Variants in CNTN5 observed in about 807,000 individuals in gnomAD.
CNTN5 encodes the protein contactin 5.
A neutral mutation model predicts 129.1 loss-of-function variants in CNTN5; 77 were observed. The ratio of observed to expected loss-of-function variants is 0.60; its 90% confidence interval spans 0.50 to 0.72. The LOEUF is 0.72. Among genes scored for constraint, CNTN5 ranks in the 30% least tolerant of loss-of-function variants. The pLI is 0.00. For synonymous variants in CNTN5, 509 were observed against 465.6 expected, an observed-to-expected ratio of 1.09 and a Z score of -1.20; for missense variants, 1,478 against 1,328.8, an observed-to-expected ratio of 1.11 and a Z score of -1.75.
rs61909173 is a variant in CNTN5, at chr11:99,999,383, G to A, written c.878-2651G>A. On this transcript the variant is annotated intron_variant, in intron 8 of 24. Transcript: ENST00000524871. ...ACACTTCTCAAAAGAAGACATTTAT[G>A]CAGCCAAAGGACACATGCAAAAATG... 6.8e-3 allele frequency among the ~76,000 whole-genome samples: 1,040 copies of A among 152,304 alleles called. 7 individuals are homozygous for A. The highest frequency in any genetic ancestry group is 0.012 in the Non-Finnish European group (789 of 68,036).
Position 99,869,350 on chromosome 11 carries a change from A to G in CNTN5, c.577+24088A>G, listed in dbSNP as rs547838542. On this transcript the variant is annotated intron_variant, in intron 6 of 24. Coordinates refer to ENST00000524871, the MANE Select transcript of CNTN5 (RefSeq NM_014361.4). ...TCAATCCAGAACTCATCTCAAAGAT[A>G]TGGCCCTTTGTGTTATAGATTGTTG... 2.4e-4 allele frequency among the ~76,000 whole-genome samples: 37 copies of G among 152,286 alleles called. 1 individual carries two copies. In the East Asian group the frequency reaches 6.9e-3, roughly 29 times the overall value.
intron 1 of CNTN5, among the ~76,000 whole-genome samples, chr11:99,021,901 A>G (rs1448654185): frequency 1.3e-5 from 2 of 152,222 alleles, no homozygotes; most frequent in Non-Finnish European, 2.9e-5. Flanking sequence ...TATACGGAAG[A>G]GAATATCAAT....
chr11:99,671,096 C>G (rs184667398), intron 3 of CNTN5, among the ~76,000 whole-genome samples: 142 of 150,898 alleles, frequency 9.4e-4, no homozygotes, highest in Non-Finnish European at 1.7e-3. Context: ...TGAGTTCTCT[C>G]GCTCGCTCGC....
In CNTN5 at chr11:99,041,268, A is replaced by T. The variant is rs118144065; in HGVS notation, c.-210+19998A>T. 3.4e-3 allele frequency among the ~76,000 whole-genome samples: 516 copies of T among 152,220 alleles called. 1 individual carries two copies. Among genetic ancestry groups the T allele is most frequent in the Non-Finnish European group, 3.9e-3 (268 of 67,990 alleles). On this transcript the variant is annotated intron_variant, in intron 1 of 24. Coordinates refer to ENST00000524871, the MANE Select transcript of CNTN5 (RefSeq NM_014361.4). ...TGTTCAATCATTTATTCTCTCCTCA[A>T]GGCCTCTATCCTTCTGATTTTTGCC...
intron 9 of CNTN5, among the ~76,000 whole-genome samples, chr11:100,034,538 G>T (rs554110087): frequency 8.7e-4 from 132 of 152,176 alleles, no homozygotes; most frequent in African/African-American, 3.1e-3. Flanking sequence ...CTTATTTTCA[G>T]TGCATTATTC....
intron 2 of CNTN5, among the ~76,000 whole-genome samples, chr11:99,532,950 C>T (rs1947768925): frequency 6.6e-6 from 1 of 152,218 alleles, no homozygotes. Flanking sequence ...GGGCTGGGCA[C>T]GGTGGCTCAT....
chr11:100,086,077 T>C (rs1295996024), intron 13 of CNTN5, among the ~76,000 whole-genome samples: 1 of 151,878 alleles, frequency 6.6e-6, no homozygotes, highest in Non-Finnish European at 1.5e-5. Context: ...GCTGAAACAA[T>C]TGAATAGCTG....
intron 2 of CNTN5, among the ~76,000 whole-genome samples, chr11:99,540,541 G>A (rs1278163099): frequency 1.3e-5 from 2 of 151,974 alleles, no homozygotes; most frequent in Non-Finnish European, 2.9e-5. Context: ...GCTACAAAAA[G>A]CACAATAAAG....
At chr11:99,687,851 G>C (rs1417249577) in intron 3 of CNTN5, among the ~76,000 whole-genome samples, 1 of 152,186 alleles carries the variant, frequency 6.6e-6, no homozygotes, top group Admixed American at 6.5e-5. Flanking sequence ...TGCTGGTTCT[G>C]TCCTGTGACA....
At chr11:99,751,061 G>T (rs1453821068) in intron 3 of CNTN5, among the ~76,000 whole-genome samples, 1 of 152,202 alleles carries the variant, frequency 6.6e-6, no homozygotes, top group South Asian at 2.1e-4. Flanking sequence ...TAACTTAAGG[G>T]TGCAGTGGCT....
intron 6 of CNTN5, among the ~76,000 whole-genome samples, chr11:99,853,453 A>G (rs1364909748): frequency 6.6e-6 from 1 of 151,950 alleles, no homozygotes; most frequent in Non-Finnish European, 1.5e-5. Context: ...AGGCTGGAGC[A>G]CAATGGTGCA....
chr11:99,265,414 A>G (rs574791450), intron 1 of CNTN5, among the ~76,000 whole-genome samples: 4 of 152,116 alleles, frequency 2.6e-5, no homozygotes, highest in Admixed American at 1.3e-4. Flanking sequence ...CTGTGGCCCT[A>G]TTATTTGGTG....
chr11:99,135,678 C>T (rs1243598561), intron 1 of CNTN5, among the ~76,000 whole-genome samples: 6 of 152,248 alleles, frequency 3.9e-5, no homozygotes, highest in Non-Finnish European at 7.4e-5. Flanking sequence ...ATTTCTCATA[C>T]TTCTGCTCAA....
At chr11:99,969,193 A>G (rs1951181675) in intron 8 of CNTN5, among the ~76,000 whole-genome samples, 1 of 152,140 alleles carries the variant, frequency 6.6e-6, no homozygotes, top group Non-Finnish European at 1.5e-5. Context: ...TTTGTCTTGA[A>G]ACCTTGGGAG....
intron 21 of CNTN5, among the ~76,000 whole-genome samples, chr11:100,318,042 G>T (rs746167267): frequency 1.3e-5 from 2 of 151,870 alleles, no homozygotes; most frequent in African/African-American, 4.8e-5. Context: ...GAGATCGAGA[G>T]CATCCTGGCT....
intron 3 of CNTN5, among the ~76,000 whole-genome samples, chr11:99,614,387 T>C (rs1196478222): frequency 2.6e-5 from 4 of 152,226 alleles, no homozygotes; most frequent in Admixed American, 2.6e-4. Context: ...ACTTATATTT[T>C]GCTTTTTTCA....
chr11:99,266,417 G>T (rs1862892963), intron 1 of CNTN5, among the ~76,000 whole-genome samples: 1 of 151,848 alleles, frequency 6.6e-6, no homozygotes, highest in Admixed American at 6.6e-5. Context: ...TAGAAAACTT[G>T]GTGGGACTCC....
intron 1 of CNTN5, among the ~76,000 whole-genome samples, chr11:99,199,171 G>A (rs1859045252): frequency 6.6e-6 from 1 of 151,994 alleles, no homozygotes; most frequent in Admixed American, 6.6e-5. Flanking sequence ...TTGGAGATTG[G>A]GCAGAAAAGA....
intron 7 of CNTN5, among the ~76,000 whole-genome samples, chr11:99,932,115 C>A (rs1157317662): frequency 6.6e-6 from 1 of 151,892 alleles, no homozygotes; most frequent in Non-Finnish European, 1.5e-5. Flanking sequence ...AGCTTCCTTG[C>A]CTTTGATCAT....
Sources: gnomAD v4.1 joint callset for allele counts (sites outside exome capture counted in the v4.1 genomes callset) on GRCh38, gnomAD v4.1.1 for gene constraint, MANE v1.5 for transcripts, NCBI Gene and HGNC (gene_info 2026-07-23, HGNC 2026-07-21) for gene names.